Variants in PLCB4 observed in about 807,000 individuals in gnomAD.
PLCB4 encodes the protein 1-phosphatidylinositol 4,5-bisphosphate phosphodiesterase beta-4.
PLCB4 carries 77 observed loss-of-function variants against 178.8 expected under a neutral mutation model. That is an observed-to-expected ratio of 0.43 (90% confidence interval 0.36 to 0.52). PLCB4 has a LOEUF of 0.52. Ranked by LOEUF, PLCB4 falls within the 20% of genes least tolerant of loss-of-function variation. The probability of loss-of-function intolerance (pLI) is 0.00; values close to 1 mark genes in which losing one functional copy is unlikely to be tolerated. For synonymous variants in PLCB4, 496 were observed against 490.8 expected (o/e 1.01, Z -0.14); for missense variants, 1,024 against 1,453.4 (o/e 0.70, Z 4.80).
At chr20:9,144,764 G>C (rs2092566090) in intron 2 of PLCB4, among the ~76,000 whole-genome samples, 1 of 78,010 alleles carries the variant, frequency 1.3e-5, no homozygotes, top group Non-Finnish European at 2.4e-5. Context: ...GGAGGGGAAG[G>C]AGGGGAATGA....
intron 2 of PLCB4, among the ~76,000 whole-genome samples, chr20:9,189,638 C>T (rs549145875): frequency 3.8e-4 from 58 of 152,228 alleles, no homozygotes; most frequent in Middle Eastern, 3.4e-3. Context: ...ACAGACTGGG[C>T]GATTTATAAA....
intron 2 of PLCB4, among the ~76,000 whole-genome samples, chr20:9,134,982 G>T (rs1176955516): frequency 6.6e-6 from 1 of 152,040 alleles, no homozygotes; most frequent in African/African-American, 2.4e-5. Flanking sequence ...CACTGCTGTA[G>T]AATGGCTCCT....
chr20:9,458,692 A>C (rs1210129137), intron 34 of PLCB4, among the ~76,000 whole-genome samples: 1 of 152,146 alleles, frequency 6.6e-6, no homozygotes, highest in African/African-American at 2.4e-5. Flanking sequence ...GGGTAGCCAC[A>C]GGGATCCCAG....
chr20:9,402,768 A>T (rs1183666866), intron 20 of PLCB4, among the ~76,000 whole-genome samples: 1 of 152,158 alleles, frequency 6.6e-6, no homozygotes, highest in East Asian at 1.9e-4. Context: ...AAGAAGTGAG[A>T]TGACCCTCTA....
intron 4 of PLCB4, among the ~76,000 whole-genome samples, chr20:9,334,130 T>C (rs1029804231): frequency 5.3e-5 from 8 of 152,112 alleles, no homozygotes; most frequent in African/African-American, 1.9e-4. Flanking sequence ...TCCTGAGGAC[T>C]ATGTAAAAGT....
intron 4 of PLCB4, among the ~76,000 whole-genome samples, chr20:9,336,201 G>A (rs2032433466): frequency 6.6e-6 from 1 of 152,108 alleles, no homozygotes; most frequent in Non-Finnish European, 1.5e-5. Context: ...TTGTTGAAGT[G>A]TGAATGCTAA....
intron 9 of PLCB4, 42 bp downstream of exon 9, chr20:9,365,556 C>G: frequency 8.3e-7 from 1 of 1,198,592 alleles, no homozygotes; most frequent in Non-Finnish European, 1.2e-6. Flanking sequence ...CCCGGGTCAA[C>G]GCTTGTCATC....
At chr20:9,336,974 CA>C (rs2032553744) in intron 4 of PLCB4, 151 bp from the exon 5 acceptor site, 1 of 589,666 alleles carries the variant, frequency 1.7e-6, no homozygotes, top group African/African-American at 1.9e-5. Flanking sequence ...AAAGAGTTTT[CA>C]AAATGAAAAC....
intron 36 of PLCB4, 75 bp downstream of exon 36, chr20:9,468,747 A>G: frequency 2.9e-6 from 2 of 684,078 alleles, no homozygotes; most frequent in Non-Finnish European, 5.1e-6. Flanking sequence ...TTATGTGTGT[A>G]CACACACACA....
At chr20:9,181,651 T>C (rs1600950017) in intron 2 of PLCB4, among the ~76,000 whole-genome samples, 1 of 152,094 alleles carries the variant, frequency 6.6e-6, no homozygotes, top group East Asian at 1.9e-4. Context: ...GTCTCTGTTC[T>C]TTTATAATGC....
In PLCB4 at chr20:9,453,370, A is replaced by G. The variant is rs1403687813; in HGVS notation, c.2904A>G (p.Leu968=). The G allele has an allele frequency of 5.0e-6, 8 of 1,610,552 alleles. No homozygotes were observed. The Admixed American group carries it at 1.3e-4, about 27-fold the overall frequency. Residue 968 remains leucine (L), a synonymous_variant, in exon 33 of 40, where the codon TTA becomes TTG. Transcript: ENST00000378473. ...HAKEHSTMQK[L]HCTQVDKIVA... ...AGGAACACAGTACCATGCAGAAGTT[A>G]CACTGCACGCAAGTTGACAAAATTG...
At chr20:9,398,024 C>T (rs1997696) in intron 19 of PLCB4, among the ~76,000 whole-genome samples, 1 of 151,858 alleles carries the variant, frequency 6.6e-6, no homozygotes, top group South Asian at 2.1e-4. Context: ...CTGGGAGCTC[C>T]GCTGGGCCTC....
chr20:9,180,600 C>T (rs1045694589), intron 2 of PLCB4, among the ~76,000 whole-genome samples: 3 of 152,192 alleles, frequency 2.0e-5, no homozygotes, highest in Non-Finnish European at 4.4e-5. Context: ...GATATAACTG[C>T]TGCCTTTCAC....
intron 7 of PLCB4, among the ~76,000 whole-genome samples, chr20:9,361,482 G>C (rs1409029484): frequency 6.6e-6 from 1 of 152,188 alleles, no homozygotes; most frequent in Non-Finnish European, 1.5e-5. Flanking sequence ...ATGGCTGGGA[G>C]GAGGGGGAGA....
rs1470335747 is a variant in PLCB4 at position 9,473,321 on chromosome 20, G to A, written c.3451G>A (p.Val1151Ile). The A allele has an allele frequency of 6.4e-7, 1 of 1,562,690 alleles. No homozygotes were observed. The highest frequency in any genetic ancestry group is 2.3e-5 in the East Asian group (1 of 42,824). ...CAAAGAAATGGATCAGTTGAAAAAAGTCCAGCTTGAACATCTAGAATTCCT... is the reference window on the plus strand; with the variant it reads ...CAAAGAAATGGATCAGTTGAAAAAAATCCAGCTTGAACATCTAGAATTCCT... ...QSKEMDQLKK[V>I]QLEHLEFLEK... The change falls in exon 38 of 40, where the codon GTC becomes ATC. Residue 1151 changes from valine to isoleucine, a missense_variant. By Grantham distance (29) the Val-to-Ile change is conservative (BLOSUM62 3). Coordinates refer to ENST00000378473, the MANE Select transcript of PLCB4 (RefSeq NM_001377142.1).
chr20:9,155,568 T>G (rs2092773443), intron 2 of PLCB4, among the ~76,000 whole-genome samples: 1 of 152,188 alleles, frequency 6.6e-6, no homozygotes, highest in African/African-American at 2.4e-5. Context: ...TTTCTTTCTC[T>G]GTTTCCACAA....
intron 2 of PLCB4, among the ~76,000 whole-genome samples, chr20:9,167,789 C>G (rs112982362): frequency 6.6e-6 from 1 of 152,084 alleles, no homozygotes; most frequent in East Asian, 1.9e-4. Flanking sequence ...TTCATATTTG[C>G]GTACTTTATT....
At chr20:9,411,277 C>T (rs2039839822) in intron 25 of PLCB4, among the ~76,000 whole-genome samples, 189 bp downstream of exon 25, 1 of 152,132 alleles carries the variant, frequency 6.6e-6, no homozygotes, top group Non-Finnish European at 1.5e-5. Context: ...TTTTACTAAG[C>T]AGGTTTTGGG....
intron 1 of PLCB4, among the ~76,000 whole-genome samples, chr20:9,086,772 G>C (rs2090442372): frequency 6.6e-6 from 1 of 152,174 alleles, no homozygotes; most frequent in Non-Finnish European, 1.5e-5. Flanking sequence ...TAGGGAAAAG[G>C]TTTCGAAAAG....
Sources: allele counts gnomAD v4.1 joint callset (sites outside exome capture counted in the v4.1 genomes callset), GRCh38; gene constraint gnomAD v4.1.1; transcripts MANE v1.5; gene names NCBI Gene and HGNC (gene_info 2026-07-23, HGNC 2026-07-21).